Variants in ARID4B observed in about 807,000 individuals in gnomAD.
The protein encoded by ARID4B is AT-rich interactive domain-containing protein 4B.
ARID4B carries 26 observed loss-of-function variants against 147.5 expected under a neutral mutation model. The observed-to-expected ratio is 0.18, with a 90% CI of 0.13 to 0.24. The LOEUF is 0.24. Ranked by LOEUF, ARID4B falls within the 10% of genes least tolerant of loss-of-function variation. The pLI is 1.00. For missense variants in ARID4B, 1,179 were observed against 1,511.5 expected (o/e 0.78, Z 3.65); for synonymous variants, 512 against 507.9 (o/e 1.01, Z -0.11).
chr1:235,300,196 G>A (rs1305275771), intron 2 of ARID4B, among the ~76,000 whole-genome samples: 11 of 151,838 alleles, frequency 7.2e-5, no homozygotes, highest in African/African-American at 2.4e-4. Context: ...CGGGCAAACC[G>A]CTTGAGGTCA....
In ARID4B at chr1:235,219,923, G is replaced by C. The variant is rs781004157; in HGVS notation, c.1453C>G (p.Gln485Glu). ...TTTTTAATGTTAACTTCTTTTTCCT[G>C]ATCAGAATGTGTAGGTATAGATTCT... ...LLESIPTHSD[Q>E]EKEVNIKKPE... is the part of the protein sequence containing the mutation. Residue 485 changes from glutamine to glutamate, a missense_variant, in exon 16 of 24, where the codon CAG (glutamine) becomes GAG (glutamate). Gln to Glu is a conservative substitution (Grantham distance 29). This residue lies in a region of ARID4B where 204 missense variants were observed against 210.9 expected (regional missense o/e 0.97). Coordinates refer to ENST00000264183, the MANE Select transcript of ARID4B (RefSeq NM_016374.6). The C allele has an allele frequency of 6.3e-7, 1 of 1,587,478 alleles. No individual in the cohort carries two copies. The highest frequency in any genetic ancestry group is 2.2e-5 in the East Asian group (1 of 44,462).
chr1:235,226,591 G>A (rs1046117298), intron 11 of ARID4B, among the ~76,000 whole-genome samples: 3 of 151,748 alleles, frequency 2.0e-5, no homozygotes, highest in East Asian at 3.9e-4. Flanking sequence ...GCGTGATCTC[G>A]GCTCACTGCA....
chr1:235,240,068 CGA>C (rs781399614), intron 8 of ARID4B, among the ~76,000 whole-genome samples: 18 of 151,764 alleles, frequency 1.2e-4, no homozygotes, highest in Non-Finnish European at 8.8e-5. Flanking sequence ...AATTTTCTAC[CGA>C]GAGAGAGAGA....
At chr1:235,306,113 A>T (rs1673540542) in intron 2 of ARID4B, among the ~76,000 whole-genome samples, 1 of 152,240 alleles carries the variant, frequency 6.6e-6, no homozygotes, top group Non-Finnish European at 1.5e-5. Flanking sequence ...TGGTGTGATA[A>T]ATATTTTAAT....
intron 2 of ARID4B, 118 bp downstream of exon 2, chr1:235,326,796 A>G: frequency 7.4e-7 from 1 of 1,344,044 alleles, no homozygotes; most frequent in Non-Finnish European, 1.1e-6. Flanking sequence ...TCGGTCACCA[A>G]GTCACCAAAC....
intron 2 of ARID4B, among the ~76,000 whole-genome samples, chr1:235,309,874 T>C (rs1426722073): frequency 6.6e-6 from 1 of 152,206 alleles, no homozygotes; most frequent in African/African-American, 2.4e-5. Context: ...GTGACCTTAC[T>C]TACCCCCAAC....
chr1:235,304,948 A>C (rs569390445), intron 2 of ARID4B, among the ~76,000 whole-genome samples: 1 of 152,326 alleles, frequency 6.6e-6, no homozygotes, highest in East Asian at 1.9e-4. Context: ...TCTGGTAGGC[A>C]GAATGCACTC....
At chr1:235,301,038 C>CTTTTTTTTTTT (rs780839339) in intron 2 of ARID4B, among the ~76,000 whole-genome samples, 2 of 112,280 alleles carry the variant, frequency 1.8e-5, no homozygotes, top group African/African-American at 7.3e-5. Flanking sequence ...TTTAAGTATT[C>CTTTTTTTTTTT]TTTTTTTTTT....
chr1:235,306,411 G>A (rs879664186), intron 2 of ARID4B, among the ~76,000 whole-genome samples: 1 of 151,328 alleles, frequency 6.6e-6, no homozygotes, highest in Non-Finnish European at 1.5e-5. Flanking sequence ...GCTGAGCCAG[G>A]AGAATCACTT....
rs1162149103 is a variant in ARID4B, at chr1:235,229,448, A to G, written c.743-63T>C. The G allele has an allele frequency of 5.2e-6, 6 of 1,149,212 alleles. No homozygotes were observed. In the African/African-American group the frequency reaches 7.8e-5, roughly 15 times the overall value. The allele number at this position is 1,149,212 out of a possible 1,614,324, so 71.2% of individuals were successfully genotyped here. Reference sequence around the variant, plus strand: ...TAAGACAATTGTTTTCTCAAAAAGTATTAAACACGATAAAGAAATAAAAAC... The same window carrying G: ...TAAGACAATTGTTTTCTCAAAAAGTGTTAAACACGATAAAGAAATAAAAAC... On this transcript the variant is annotated intron_variant, in intron 10 of 23. Transcript: ENST00000264183.
intron 2 of ARID4B, among the ~76,000 whole-genome samples, chr1:235,273,576 G>A (rs967746497): frequency 7.9e-5 from 12 of 152,194 alleles, no homozygotes; most frequent in Admixed American, 7.9e-4. Flanking sequence ...ATGTTAAAAT[G>A]TAGAAAATGT....
At position 235,278,530 on chromosome 1, in the gene ARID4B, T is replaced by C. The variant is rs1021134054; in HGVS notation, c.7-17778A>G. Among the ~76,000 whole-genome samples, 3 of 152,226 alleles carry C rather than the reference T, an allele frequency of 2.0e-5. No homozygotes were observed. The East Asian group carries it at 5.8e-4, about 29-fold the overall frequency. On this transcript the variant is annotated intron_variant, in intron 2 of 23. Coordinates refer to ENST00000264183, the MANE Select transcript of ARID4B (RefSeq NM_016374.6). ...ATGGTGAAGAGAGAATCTACTAGAC[T>C]GTGATTACCCAAGGGAGATGATAAA...
chr1:235,197,508 A>G (rs761413054), intron 17 of ARID4B, among the ~76,000 whole-genome samples: 4 of 152,228 alleles, frequency 2.6e-5, no homozygotes, highest in African/African-American at 7.2e-5. Flanking sequence ...CTGAGGATTC[A>G]TCCCCATGCA....
At chr1:235,287,440 G>A (rs764667620) in intron 2 of ARID4B, among the ~76,000 whole-genome samples, 1 of 152,100 alleles carries the variant, frequency 6.6e-6, no homozygotes, top group Non-Finnish European at 1.5e-5. Flanking sequence ...AGGCTACAGG[G>A]CAAGAACAGT....
chr1:235,313,285 C>T (rs1291872012), intron 2 of ARID4B, among the ~76,000 whole-genome samples: 2 of 152,110 alleles, frequency 1.3e-5, no homozygotes, highest in African/African-American at 4.8e-5. Flanking sequence ...CAGCCTCAAA[C>T]GCCCAAAGTG....
intron 2 of ARID4B, among the ~76,000 whole-genome samples, chr1:235,313,290 A>C (rs1308074702): frequency 6.6e-6 from 1 of 152,126 alleles, no homozygotes; most frequent in Admixed American, 6.5e-5. Flanking sequence ...TCAAACGCCC[A>C]AAGTGCTAGG....
At chr1:235,225,990 T>C (rs1419251427) in intron 11 of ARID4B, among the ~76,000 whole-genome samples, 4 of 152,218 alleles carry the variant, frequency 2.6e-5, no homozygotes, top group Non-Finnish European at 4.4e-5. Flanking sequence ...GGTGATCAAA[T>C]ACAAATCTAA....
chr1:235,303,380 GA>G (rs1298835922), intron 2 of ARID4B, among the ~76,000 whole-genome samples: 1,723 of 141,332 alleles, frequency 0.012, 26 homozygotes, highest in African/African-American at 0.036. Flanking sequence ...AGAGGTGGGG[GA>G]AAAAAAAAAA....
chr1:235,204,264 G>T (rs1238734982), intron 17 of ARID4B, among the ~76,000 whole-genome samples: 1 of 152,192 alleles, frequency 6.6e-6, no homozygotes, highest in African/African-American at 2.4e-5. Flanking sequence ...GGAGGTTGCA[G>T]TGAGCCAAGA....
Sources: allele counts gnomAD v4.1 joint callset (sites outside exome capture counted in the v4.1 genomes callset), GRCh38; gene constraint gnomAD v4.1.1; regional missense constraint gnomAD v4.1.1; transcripts MANE v1.5; gene names NCBI Gene and HGNC (gene_info 2026-07-23, HGNC 2026-07-21).